The following SMARCA2 variants were observed in gnomAD, a reference collection of about 807,000 sequenced individuals.
SMARCA2 encodes the protein SWI/SNF-related matrix-associated actin-dependent regulator of chromatin subfamily A member 2.
In SMARCA2, 61 loss-of-function variants were observed where a neutral mutation model predicts 199.8. That is an observed-to-expected ratio of 0.31 (90% CI 0.25 to 0.38). SMARCA2 has a LOEUF of 0.38. Among genes scored for constraint, SMARCA2 ranks in the 10% least tolerant of loss-of-function variants. The pLI is 1.00. For synonymous variants in SMARCA2, 935 were observed against 732.0 expected, an observed-to-expected ratio of 1.28 and a Z score of -4.48; for missense variants, 1,344 against 2,012.2, an observed-to-expected ratio of 0.67 and a Z score of 6.35.
intron 27 of SMARCA2, among the ~76,000 whole-genome samples, chr9:2,142,204 A>G (rs1267848973): frequency 6.6e-6 from 1 of 152,184 alleles, no homozygotes; most frequent in Admixed American, 6.5e-5. Context: ...GTGACACTGG[A>G]CAATCTTTTT....
chr9:2,054,002 TTTCTC>T, intron 5 of SMARCA2, among the ~76,000 whole-genome samples: 1 of 152,358 alleles, frequency 6.6e-6, no homozygotes, highest in Non-Finnish European at 1.5e-5. Flanking sequence ...TGTATTTTCT[TTTCTC>T]AAGCAAGCTC....
rs1828033890 is a variant in SMARCA2, at chr9:2,193,484, C to T, written c.*745C>T. The T allele has an allele frequency of 6.6e-6, 1 of 152,592 alleles. No individual in the cohort carries two copies. Among genetic ancestry groups the T allele is most frequent in the African/African-American group, 2.4e-5 (1 of 41,424 alleles). The allele number at this position is 152,592 out of a possible 1,614,324, so 9.5% of individuals were successfully genotyped here. On this transcript the variant is annotated 3_prime_UTR_variant, in exon 34 of 34. Coordinates refer to ENST00000349721, the MANE Select transcript of SMARCA2 (RefSeq NM_003070.5). ...TACCAATGTGTATCGTCTCCTTCTCCCTAAAGTGTACTTAATCTTTGCTTT... is the reference window on the plus strand; with the variant it reads ...TACCAATGTGTATCGTCTCCTTCTCTCTAAAGTGTACTTAATCTTTGCTTT...
At chr9:2,085,917 C>G (rs557697951) in intron 17 of SMARCA2, 1 of 152,236 alleles carries the variant, frequency 6.6e-6, no homozygotes, top group African/African-American at 2.4e-5. Context: ...AGAAACTGAA[C>G]AGTGCTCTTA....
chr9:2,076,163 A>T lies in SMARCA2; in HGVS notation c.1936-66A>T, dbSNP rs1231963592. 1.0e-5 allele frequency: 9 copies of T among 904,392 alleles called. No homozygotes were observed. In the East Asian group the frequency reaches 2.2e-4, roughly 22 times the overall value. 56.0% of individuals were successfully genotyped at this position (904,392 alleles called of 1,614,324 possible). ...CAATACTAGTTTATGTCTTTTCAGAAAATGTCAATCATAGAGATTTCCTTG... is the reference window on the plus strand; with the variant it reads ...CAATACTAGTTTATGTCTTTTCAGATAATGTCAATCATAGAGATTTCCTTG... On this transcript the variant is annotated intron_variant, in intron 12 of 33. Transcript: ENST00000349721.
intron 5 of SMARCA2, among the ~76,000 whole-genome samples, chr9:2,051,723 G>A (rs867529356): frequency 2.0e-5 from 3 of 152,158 alleles, no homozygotes; most frequent in African/African-American, 2.4e-5. Flanking sequence ...CCAAGGATGC[G>A]GAATAACCAA....
intron 15 of SMARCA2, among the ~76,000 whole-genome samples, chr9:2,083,026 T>G (rs1302741551): frequency 1.3e-5 from 2 of 152,204 alleles, no homozygotes; most frequent in Admixed American, 6.5e-5. Flanking sequence ...TGGCTGTTTA[T>G]GAAGATTCCT....
intron 27 of SMARCA2, among the ~76,000 whole-genome samples, chr9:2,133,751 G>C (rs1221254289): frequency 6.6e-6 from 1 of 152,092 alleles, no homozygotes; most frequent in Admixed American, 6.6e-5. Flanking sequence ...TACAGTTTAG[G>C]AAGCAGAGAC....
chr9:2,043,764 A>G (rs187407631), intron 4 of SMARCA2: 1 of 152,146 alleles, frequency 6.6e-6, no homozygotes. Context: ...ACCCTATTGC[A>G]TCAAATCACG....
chr9:2,110,543 G>A lies in SMARCA2; in HGVS notation c.3456+126G>A. ...ACGAGTGGGCTGTTGCTTTCTTGGA[G>A]CCAATTCTTCTGGCTGTTTTCTTAT... On this transcript the variant is annotated intron_variant, in intron 24 of 33. Coordinates refer to ENST00000349721, the MANE Select transcript of SMARCA2 (RefSeq NM_003070.5). The surrounding 1 kb of genome is among the most constrained non-coding windows in gnomAD (Gnocchi z 4.8). The A allele has an allele frequency of 1.0e-5, 7 of 692,840 alleles. No homozygotes were observed. The highest frequency in any genetic ancestry group is 1.5e-5 in the Non-Finnish European group (7 of 452,008). The allele number at this position is 692,840 out of a possible 1,614,324, so 42.9% of individuals were successfully genotyped here. A position where few individuals can be genotyped will look rare whatever the true frequency, so the allele number is the denominator to read the frequency against.
chr9:2,061,719 A>G (rs1820599935), intron 9 of SMARCA2, among the ~76,000 whole-genome samples: 1 of 152,230 alleles, frequency 6.6e-6, no homozygotes, highest in Non-Finnish European at 1.5e-5. Context: ...GGCCAGGTAC[A>G]AACATCAACT....
At chr9:2,182,987 C>T (rs1316763944) in intron 31 of SMARCA2, among the ~76,000 whole-genome samples, 1 of 152,012 alleles carries the variant, frequency 6.6e-6, no homozygotes, top group Non-Finnish European at 1.5e-5. Flanking sequence ...GACGGGGTTT[C>T]ACCATGTTAG....
At chr9:2,118,947 A>C (rs1347817985) in intron 25 of SMARCA2, among the ~76,000 whole-genome samples, 1 of 152,212 alleles carries the variant, frequency 6.6e-6, no homozygotes, top group East Asian at 1.9e-4. Flanking sequence ...TATATTTGGC[A>C]CATATATGTG....
At chr9:2,074,004 G>C (rs1049659817) in intron 12 of SMARCA2, among the ~76,000 whole-genome samples, 28 of 152,288 alleles carry the variant, frequency 1.8e-4, no homozygotes, top group African/African-American at 6.5e-4. Context: ...AAAAAGTTCT[G>C]AAGTCCTTCA....
intron 9 of SMARCA2, among the ~76,000 whole-genome samples, chr9:2,063,037 T>G (rs1820673481): frequency 6.6e-6 from 1 of 152,144 alleles, no homozygotes; most frequent in Non-Finnish European, 1.5e-5. Flanking sequence ...TCTCACATGA[T>G]CAATGTGCAG....
At chr9:2,155,587 GT>G (rs1378740946) in intron 27 of SMARCA2, among the ~76,000 whole-genome samples, 1 of 151,924 alleles carries the variant, frequency 6.6e-6, no homozygotes, top group Non-Finnish European at 1.5e-5. Context: ...GGGCATTTTC[GT>G]TTTTCCAACC....
At chr9:2,125,906 G>A (rs1209640885) in intron 27 of SMARCA2, among the ~76,000 whole-genome samples, 1 of 152,212 alleles carries the variant, frequency 6.6e-6, no homozygotes, top group Non-Finnish European at 1.5e-5. Context: ...AATAATCATT[G>A]GGAATTGCCC....
intron 18 of SMARCA2, 57 bp downstream of exon 18, chr9:2,087,128 C>T: frequency 6.3e-7 from 1 of 1,599,856 alleles, no homozygotes; most frequent in Non-Finnish European, 8.5e-7. Context: ...AATGAAAGGC[C>T]CTAAAGCTGA....
intron 10 of SMARCA2, among the ~76,000 whole-genome samples, chr9:2,071,677 C>G (rs1428180669): frequency 6.6e-6 from 1 of 152,128 alleles, no homozygotes; most frequent in Non-Finnish European, 1.5e-5. Context: ...TTCTTCTGTT[C>G]TCATTCAGCG....
intron 5 of SMARCA2, among the ~76,000 whole-genome samples, chr9:2,051,673 T>C (rs146311016): frequency 6.6e-6 from 1 of 152,360 alleles, no homozygotes; most frequent in African/African-American, 2.4e-5. Context: ...GTTTGAGTTC[T>C]AGGATATTCA....
Sources: allele counts gnomAD v4.1 joint callset (sites outside exome capture counted in the v4.1 genomes callset), GRCh38; gene constraint gnomAD v4.1.1; non-coding constraint Gnocchi (gnomAD v3.1); transcripts MANE v1.5; gene names NCBI Gene and HGNC (gene_info 2026-07-23, HGNC 2026-07-21).